Variants in FLI1 observed in about 807,000 individuals in gnomAD.
FLI1 encodes Friend leukemia integration 1 transcription factor.
FLI1 carries 13 observed loss-of-function variants against 53.1 expected under a neutral mutation model. The observed-to-expected ratio is 0.24, with a 90% CI of 0.16 to 0.39. The LOEUF (loss-of-function observed/expected upper bound fraction) is 0.39, where lower values mean the gene tolerates loss of function less well. Among genes scored for constraint, FLI1 ranks in the 10% least tolerant of loss-of-function variants. The probability of loss-of-function intolerance (pLI) is 1.00; values close to 1 mark genes in which losing one functional copy is unlikely to be tolerated. For synonymous variants in FLI1, 244 were observed against 236.7 expected (o/e 1.03, Z -0.28); for missense variants, 424 against 600.5 (o/e 0.71, Z 3.07).
At chr11:128,794,251 CA>C (rs1392497038) in intron 5 of FLI1, among the ~76,000 whole-genome samples, 1 of 152,078 alleles carries the variant, frequency 6.6e-6, no homozygotes, top group Non-Finnish European at 1.5e-5. Flanking sequence ...AGAAGGGTCC[CA>C]AAATACTTTG....
In FLI1 at chr11:128,746,510, A is replaced by G. The variant is rs540317669; in HGVS notation, c.19-11605A>G. Among the ~76,000 whole-genome samples the G allele has an allele frequency of 9.2e-5, 14 of 152,304 alleles. No homozygotes were observed. The South Asian group carries it at 2.9e-3, about 32-fold the overall frequency. Reference sequence around the variant, plus strand: ...GACTCCCACCTTCCCTTTGTCACGCAGAGTCCTCTCTTGTCCCTGCAGACC... The same window carrying G: ...GACTCCCACCTTCCCTTTGTCACGCGGAGTCCTCTCTTGTCCCTGCAGACC... On this transcript the variant is annotated intron_variant, in intron 1 of 8. Coordinates refer to ENST00000527786, the MANE Select transcript of FLI1 (RefSeq NM_002017.5).
intron 5 of FLI1, among the ~76,000 whole-genome samples, chr11:128,789,286 TGCACCATGG>T (rs1942192972): frequency 6.6e-6 from 1 of 152,164 alleles, no homozygotes; most frequent in Non-Finnish European, 1.5e-5. Flanking sequence ...GTAGAACCTG[TGCACCATGG>T]CTTCCTGGTA....
chr11:128,782,565 G>A (rs372461534), intron 5 of FLI1, among the ~76,000 whole-genome samples: 11 of 152,252 alleles, frequency 7.2e-5, no homozygotes, highest in African/African-American at 2.6e-4. Flanking sequence ...AGGTGTGGTG[G>A]CAGGTACCTG....
At position 128,727,860 on chromosome 11, in the gene FLI1, T is replaced by C. The variant is rs116957140; in HGVS notation, c.19-30255T>C. Among the ~76,000 whole-genome samples the C allele has an allele frequency of 2.2e-4, 33 of 152,334 alleles. No individual in the cohort carries two copies. In the East Asian group the frequency reaches 5.8e-3, roughly 27 times the overall value. On this transcript the variant is annotated intron_variant, in intron 1 of 8. Transcript: ENST00000527786. ...CCCATCTCAGAGCAAAAGAGGCACC[T>C]GTCCTCTATGTCTGACCTAGCTTTG...
At chr11:128,696,897 C>T (rs528022714) in intron 1 of FLI1, among the ~76,000 whole-genome samples, 15 of 152,176 alleles carry the variant, frequency 9.9e-5, no homozygotes, top group Non-Finnish European at 2.1e-4. Context: ...TTCACAGAAG[C>T]CCTTTATTTT....
chr11:128,769,039 T>C (rs1476004104), intron 3 of FLI1, among the ~76,000 whole-genome samples: 1 of 152,252 alleles, frequency 6.6e-6, no homozygotes, highest in East Asian at 1.9e-4. Context: ...AGTTTTAAAA[T>C]AGAAAGAACT....
intron 2 of FLI1, among the ~76,000 whole-genome samples, chr11:128,760,500 G>A (rs1420065939): frequency 1.4e-5 from 2 of 147,762 alleles, no homozygotes; most frequent in African/African-American, 5.0e-5. Context: ...TGAAGATCCA[G>A]ATCCCACTGG....
At chr11:128,779,862 A>G (rs1941854838) in intron 4 of FLI1, among the ~76,000 whole-genome samples, 1 of 152,272 alleles carries the variant, frequency 6.6e-6, no homozygotes, top group Admixed American at 6.5e-5. Context: ...CACATAGCAT[A>G]GCCTACTACA....
intron 5 of FLI1, among the ~76,000 whole-genome samples, chr11:128,802,349 A>G (rs981601796): frequency 1.3e-5 from 2 of 152,226 alleles, no homozygotes; most frequent in Non-Finnish European, 2.9e-5. Context: ...CAATGTGCTC[A>G]GGCTGTCCTT....
rs1455202083 is a variant in FLI1, at chr11:128,758,159, A to G, written c.63A>G (p.Ser21=). ...VVSDDQSLFD[S]AYGAAAHLPK... The stretch of plus-strand genomic sequence containing the variant: ...GCGACGACCAGTCCCTCTTTGACTC[A>G]GCGTACGGAGCGGCAGCCCATCTCC... The change falls in exon 2 of 9, where the codon TCA becomes TCG. Residue 21 remains serine (S), a synonymous_variant. Transcript: ENST00000527786. 2 of 1,613,496 alleles carry G rather than the reference A, an allele frequency of 1.2e-6. No individual in the cohort carries two copies. The highest frequency in any genetic ancestry group is 1.7e-6 in the Non-Finnish European group (2 of 1,179,706).
chr11:128,757,090 T>TTCTC (rs1273659089), intron 1 of FLI1, among the ~76,000 whole-genome samples: 2 of 140,828 alleles, frequency 1.4e-5, no homozygotes, highest in Non-Finnish European at 3.1e-5. Context: ...CTTTCTTTCT[T>TTCTC]TCTTTCTTTC....
At chr11:128,790,307 GAGAGAA>G (rs1942234549) in intron 5 of FLI1, among the ~76,000 whole-genome samples, 2 of 150,816 alleles carry the variant, frequency 1.3e-5, no homozygotes, top group Non-Finnish European at 2.9e-5. Context: ...CAGAGAGAGA[GAGAGAA>G]AGAACGAGGG....
At position 128,812,902 on chromosome 11, in the gene FLI1, G is replaced by A. The variant is rs1942967650; in HGVS notation, c.*1914G>A. 8.7e-6 allele frequency: 1 copy of A among 114,942 alleles called. No individual in the cohort carries two copies. Among genetic ancestry groups the A allele is most frequent in the African/African-American group, 3.0e-5 (1 of 33,658 alleles). The allele number at this position is 114,942 out of a possible 1,614,324, so 7.1% of individuals were successfully genotyped here. ...TTGCCTCCAGTTCCTTCACTGTTAG[G>A]TAGCTTATTTTCATTTTCTCTATTT... On this transcript the variant is annotated 3_prime_UTR_variant, in exon 9 of 9. Coordinates refer to ENST00000527786, the MANE Select transcript of FLI1 (RefSeq NM_002017.5).
chr11:128,745,746 G>C (rs1024117792), intron 1 of FLI1, among the ~76,000 whole-genome samples: 18 of 152,228 alleles, frequency 1.2e-4, no homozygotes, highest in African/African-American at 4.3e-4. Context: ...GTCCCGGCTT[G>C]TGTGCGTGAG....
chr11:128,686,570 T>A (rs1262974099), exon 1 of FLI1: 2 of 429,926 alleles, frequency 4.7e-6, no homozygotes, highest in Non-Finnish European at 9.5e-6. Flanking sequence ...TTCATCACCA[T>A]CCCACCGTCT....
At chr11:128,722,218 A>G (rs1277444670) in intron 1 of FLI1, among the ~76,000 whole-genome samples, 4 of 152,218 alleles carry the variant, frequency 2.6e-5, no homozygotes, top group Admixed American at 6.5e-5. Context: ...GACATTTACT[A>G]TATGGCTGAG....
chr11:128,739,050 T>A (rs146895502), intron 1 of FLI1, among the ~76,000 whole-genome samples: 1 of 152,302 alleles, frequency 6.6e-6, no homozygotes, highest in East Asian at 1.9e-4. Context: ...AAAGATCATG[T>A]TTGCTGCGGA....
intron 1 of FLI1, among the ~76,000 whole-genome samples, chr11:128,723,723 A>G (rs1310161456): frequency 6.6e-6 from 1 of 152,176 alleles, no homozygotes; most frequent in Non-Finnish European, 1.5e-5. Flanking sequence ...TGAGAATGCA[A>G]TTATGCATAA....
At chr11:128,797,007 T>C (rs995704789) in intron 5 of FLI1, among the ~76,000 whole-genome samples, 1 of 152,112 alleles carries the variant, frequency 6.6e-6, no homozygotes, top group African/African-American at 2.4e-5. Context: ...CAAAAAGAAG[T>C]AGTGCTCCTT....
Sources: allele counts gnomAD v4.1 joint callset (sites outside exome capture counted in the v4.1 genomes callset), GRCh38; gene constraint gnomAD v4.1.1; transcripts MANE v1.5; gene names NCBI Gene and HGNC (gene_info 2026-07-23, HGNC 2026-07-21).